The following CAPRIN1 variants were observed in gnomAD, a reference collection of about 807,000 sequenced individuals.
CAPRIN1 encodes the protein caprin-1.
A neutral mutation model predicts 100.9 loss-of-function variants in CAPRIN1; 29 were observed. The ratio of observed to expected loss-of-function variants is 0.29; its 90% CI spans 0.21 to 0.39. CAPRIN1 has a LOEUF of 0.39. Ranked by LOEUF, CAPRIN1 falls within the 10% of genes least tolerant of loss-of-function variation. The probability of loss-of-function intolerance (pLI) is 1.00; values close to 1 mark genes in which losing one functional copy is unlikely to be tolerated. For missense variants in CAPRIN1, 795 were observed against 876.7 expected (o/e 0.91, Z 1.18); for synonymous variants, 338 against 307.5 (o/e 1.10, Z -1.04).
intron 2 of CAPRIN1, among the ~76,000 whole-genome samples, chr11:34,062,848 C>A (rs1044818800): frequency 6.6e-6 from 1 of 152,064 alleles, no homozygotes; most frequent in African/African-American, 2.4e-5. Flanking sequence ...ATAGGAGTTA[C>A]GAAGTTTTCC....
At chr11:34,052,860 C>T (rs542038257) in intron 2 of CAPRIN1, 4 of 1,427,780 alleles carry the variant, frequency 2.8e-6, no homozygotes, top group Non-Finnish European at 2.7e-6. Flanking sequence ...GGACGCGGCA[C>T]TGTACCCCAG....
chr11:34,086,371 C>T lies in CAPRIN1; in HGVS notation c.1189C>T (p.Pro397Ser), dbSNP rs1329674392. 1 of 1,613,708 alleles carries T rather than the reference C, an allele frequency of 6.2e-7. No individual in the cohort carries two copies. Among genetic ancestry groups the T allele is most frequent in the Non-Finnish European group, 8.5e-7 (1 of 1,179,858 alleles). The change falls in exon 11 of 19, where the codon CCA becomes TCA. Residue 397 changes from proline to serine, a missense_variant. Physicochemically the swap from Pro to Ser is moderately conservative, Grantham distance 74 (BLOSUM62 -1). Transcript: ENST00000341394. ...PAIVSAQPMN[P>S]TQNMDMPQLV... ...CATTGTATCTGCACAGCCTATGAAT[C>T]CAACACAAAACATGGACATGCCCCA...
At chr11:34,056,994 T>G (rs11032508) in intron 2 of CAPRIN1, among the ~76,000 whole-genome samples, 1,586 of 152,340 alleles carry the variant, frequency 0.01, 21 homozygotes, top group Non-Finnish European at 0.018. Flanking sequence ...GCTGTTGTTG[T>G]GAGGGTAACA....
At chr11:34,096,068 C>G (rs1219755973) in intron 15 of CAPRIN1, 5 of 152,848 alleles carry the variant, frequency 3.3e-5, no homozygotes, top group Non-Finnish European at 5.8e-5. Flanking sequence ...AAGAAAACTT[C>G]TACCACTAAG....
chr11:34,096,469 T>A lies in CAPRIN1; in HGVS notation c.1706-10T>A, dbSNP rs1395022621. 1.9e-6 allele frequency: 3 copies of A among 1,609,314 alleles called. No homozygotes were observed. The highest frequency in any genetic ancestry group is 2.2e-5 in the South Asian group (2 of 90,670). ...TTTATGTATATATCTTTTTCTTTTT[T>A]AAATTATAGTGGTTGGCACTTACCA... On this transcript the variant is annotated splice_polypyrimidine_tract_variant and intron_variant, in intron 15 of 18. Transcript: ENST00000341394.
chr11:34,054,343 C>G (rs1850403634), intron 2 of CAPRIN1, among the ~76,000 whole-genome samples: 1 of 151,874 alleles, frequency 6.6e-6, no homozygotes, highest in Non-Finnish European at 1.5e-5. Flanking sequence ...TAGCTACATT[C>G]AAATGTTGAA....
chr11:34,078,072 G>A (rs1850940045), intron 6 of CAPRIN1, among the ~76,000 whole-genome samples: 1 of 152,142 alleles, frequency 6.6e-6, no homozygotes, highest in African/African-American at 2.4e-5. Context: ...TCTTAGGAAT[G>A]TAACATCTTT....
intron 2 of CAPRIN1, among the ~76,000 whole-genome samples, chr11:34,068,767 C>G (rs1222448238): frequency 1.3e-5 from 2 of 152,184 alleles, no homozygotes; most frequent in Non-Finnish European, 2.9e-5. Context: ...TTTTACCACT[C>G]AGGTACCATT....
intron 2 of CAPRIN1, among the ~76,000 whole-genome samples, chr11:34,059,880 T>A (rs961686184): frequency 3.1e-3 from 3 of 958 alleles, no homozygotes; most frequent in African/African-American, 7.5e-3. Context: ...AGAAGAATAC[T>A]TTTTTTTTTT....
intron 15 of CAPRIN1, 180 bp from the exon 16 acceptor site, chr11:34,096,299 T>C (rs991231046): frequency 1.8e-5 from 9 of 512,426 alleles, no homozygotes; most frequent in Admixed American, 1.1e-4. Context: ...TAGCTGAGTC[T>C]AAGGGTAGGA....
intron 14 of CAPRIN1, among the ~76,000 whole-genome samples, chr11:34,090,978 C>T (rs1851252863): frequency 6.6e-6 from 1 of 152,076 alleles, no homozygotes; most frequent in Non-Finnish European, 1.5e-5. Flanking sequence ...ATATAACATC[C>T]ATATAATCAT....
At chr11:34,069,351 T>C (rs1850765530) in intron 2 of CAPRIN1, among the ~76,000 whole-genome samples, 1 of 152,026 alleles carries the variant, frequency 6.6e-6, no homozygotes, top group Non-Finnish European at 1.5e-5. Context: ...GGTTTCACAG[T>C]GTTGGCCAGG....
intron 2 of CAPRIN1, among the ~76,000 whole-genome samples, chr11:34,054,070 T>C (rs1296209776): frequency 6.6e-6 from 1 of 150,742 alleles, no homozygotes; most frequent in East Asian, 1.9e-4. Flanking sequence ...GGGAAATAAG[T>C]TGAAGAAAAC....
At chr11:34,084,717 G>A (rs1851104857) in intron 9 of CAPRIN1, among the ~76,000 whole-genome samples, 1 of 152,104 alleles carries the variant, frequency 6.6e-6, no homozygotes, top group Admixed American at 6.6e-5. Flanking sequence ...TAAGTCGATG[G>A]GATGTATGTT....
chr11:34,076,330 A>G lies in CAPRIN1; in HGVS notation c.461A>G (p.Tyr154Cys). 1.2e-6 allele frequency: 2 copies of G among 1,614,152 alleles called. No individual in the cohort carries two copies. The highest frequency in any genetic ancestry group is 2.2e-5 in the East Asian group (1 of 44,884). The change falls in exon 5 of 19, where the codon TAT (tyrosine) becomes TGT (cysteine). Residue 154 changes from tyrosine (Y) to cysteine (C), a missense_variant. Around this residue, in one of 3 missense-constraint regions of CAPRIN1, gnomAD observed 648 missense variants for 697.9 expected, o/e 0.93. Coordinates refer to ENST00000341394, the MANE Select transcript of CAPRIN1 (RefSeq NM_005898.5). Reference protein sequence around the residue: ...KRLKTVLELQYVLDKLGDDEV... With the variant: ...KRLKTVLELQCVLDKLGDDEV... ...TTAAAAACTGTACTTGAGCTACAGTATGTTTTGGACAAATTGGGAGATGAT... is the reference window on the plus strand; with the variant it reads ...TTAAAAACTGTACTTGAGCTACAGTGTGTTTTGGACAAATTGGGAGATGAT...
chr11:34,079,812 T>C (rs201932510), intron 7 of CAPRIN1, 47 bp downstream of exon 7: 41 of 1,566,492 alleles, frequency 2.6e-5, no homozygotes, highest in Non-Finnish European at 3.5e-5. Context: ...CCTGGTTTTA[T>C]TTGATTTTGC....
chr11:34,071,854 G>T, intron 3 of CAPRIN1, 47 bp from the exon 4 acceptor site: 1 of 1,584,542 alleles, frequency 6.3e-7, no homozygotes, highest in South Asian at 1.1e-5. Flanking sequence ...AATTAATTCT[G>T]TGGTTTTTTG....
At chr11:34,066,972 C>T (rs1027510352) in intron 2 of CAPRIN1, among the ~76,000 whole-genome samples, 40 of 150,858 alleles carry the variant, frequency 2.7e-4, no homozygotes, top group Middle Eastern at 6.8e-3. Context: ...CTCTGTTTCC[C>T]GGGCTGGAAT....
intron 6 of CAPRIN1, among the ~76,000 whole-genome samples, chr11:34,078,988 T>C (rs186604271): frequency 6.6e-6 from 1 of 150,930 alleles, no homozygotes; most frequent in Non-Finnish European, 1.5e-5. Context: ...ATTGTGTCTT[T>C]ACATAACTTT....
Sources: gnomAD v4.1 joint callset for allele counts (sites outside exome capture counted in the v4.1 genomes callset) on GRCh38, gnomAD v4.1.1 for gene constraint, gnomAD v4.1.1 regional missense constraint, MANE v1.5 for transcripts, NCBI Gene and HGNC (gene_info 2026-07-23, HGNC 2026-07-21) for gene names.